Variants in BMP7 observed in about 807,000 individuals in gnomAD.
BMP7 encodes the protein osteogenic protein 1.
BMP7 carries 12 observed loss-of-function variants against 41.2 expected under a neutral mutation model. The ratio of observed to expected loss-of-function variants is 0.29; its 90% CI spans 0.19 to 0.47. The LOEUF (loss-of-function observed/expected upper bound fraction) is 0.47, where lower values mean the gene tolerates loss of function less well. Ranked by LOEUF, BMP7 falls within the 20% of genes least tolerant of loss-of-function variation. BMP7 has a pLI of 0.99. For missense variants in BMP7, 467 were observed against 606.0 expected, an observed-to-expected ratio of 0.77 and a Z score of 2.41; for synonymous variants, 248 against 250.0, an observed-to-expected ratio of 0.99 and a Z score of 0.07.
At chr20:57,232,852 TACACACACACACACACACACAC>T (rs60368986) in intron 1 of BMP7, among the ~76,000 whole-genome samples, 2 of 138,138 alleles carry the variant, frequency 1.4e-5, no homozygotes, top group African/African-American at 5.3e-5. Flanking sequence ...AGTCATGAAG[TACACACACACACACACACACAC>T]ACACACACAC....
At chr20:57,192,095 T>C (rs1984375470) in intron 3 of BMP7, among the ~76,000 whole-genome samples, 1 of 125,378 alleles carries the variant, frequency 8.0e-6, no homozygotes, top group Non-Finnish European at 1.6e-5. Context: ...TATTTATATT[T>C]ATAAATTTAT....
chr20:57,233,447 G>A (rs1012504086), intron 1 of BMP7, among the ~76,000 whole-genome samples: 7 of 152,298 alleles, frequency 4.6e-5, no homozygotes, highest in Middle Eastern at 3.4e-3. Flanking sequence ...ACAAAAACCC[G>A]AAATAGCCCC....
At chr20:57,206,876 C>G (rs1454500680) in intron 2 of BMP7, among the ~76,000 whole-genome samples, 1 of 152,226 alleles carries the variant, frequency 6.6e-6, no homozygotes, top group African/African-American at 2.4e-5. Flanking sequence ...GGTTATGTGA[C>G]TTGCCCATGA....
chr20:57,256,457 G>C (rs557745821), intron 1 of BMP7, among the ~76,000 whole-genome samples: 1 of 152,192 alleles, frequency 6.6e-6, no homozygotes, highest in East Asian at 1.9e-4. Context: ...CAGTGGTATC[G>C]TCATCTCCTT....
intron 1 of BMP7, among the ~76,000 whole-genome samples, chr20:57,239,803 A>C (rs1009602697): frequency 3.9e-5 from 6 of 152,234 alleles, no homozygotes; most frequent in African/African-American, 1.4e-4. Flanking sequence ...CTACCCTCTG[A>C]AATCACAGCC....
At position 57,178,721 on chromosome 20, in the gene BMP7, TGGA is replaced by T. The variant is rs1434140419; in HGVS notation, c.959-3717_959-3715del. 4.0e-5 allele frequency among the ~76,000 whole-genome samples: 6 copies of T among 151,624 alleles called. No homozygotes were observed. The South Asian group carries it at 1.3e-3, about 32-fold the overall frequency. On this transcript the variant is annotated intron_variant, in intron 4 of 6. Transcript: ENST00000395863. ...CCCTGTGGGGGGGTAGAAGGCAGGG[TGGA>T]GGAGAAGGAACATCCCCTCAGCTCA...
chr20:57,206,123 C>T (rs1042862246), intron 2 of BMP7, among the ~76,000 whole-genome samples: 2 of 152,202 alleles, frequency 1.3e-5, no homozygotes, highest in African/African-American at 4.8e-5. Flanking sequence ...AACACTGGTT[C>T]TTACAACCAG....
Position 57,265,889 on chromosome 20 carries a change from C to G in BMP7, c.234G>C (p.Ser78=), listed in dbSNP as rs371542500. ...PRPHLQGKHN[S]APMFMLDLYN... is the part of the protein sequence containing the mutation. ...ACAGGTCCAGCATGAACATGGGTGC[C>G]GAGTTGTGCTTGCCCTGGAGGTGCG... The change falls in exon 1 of 7, where the codon TCG becomes TCC. Residue 78 remains serine (S), a synonymous_variant. Transcript: ENST00000395863. The G allele has an allele frequency of 4.4e-6, 7 of 1,599,716 alleles. No homozygotes were observed. Among genetic ancestry groups the G allele is most frequent in the Non-Finnish European group, 3.4e-6 (4 of 1,173,368 alleles).
intron 1 of BMP7, 39 bp downstream of exon 1, chr20:57,265,666 C>T: frequency 6.4e-7 from 1 of 1,571,444 alleles, no homozygotes; most frequent in Non-Finnish European, 8.6e-7. Context: ...TCAAAGTGCC[C>T]CCGAAAGGAG....
chr20:57,172,814 G>C (rs762241976), intron 6 of BMP7, among the ~76,000 whole-genome samples: 4 of 152,170 alleles, frequency 2.6e-5, no homozygotes, highest in Non-Finnish European at 4.4e-5. Context: ...GCCAGCTTCT[G>C]ATCACTGTGC....
chr20:57,232,560 GC>G (rs1382179940), intron 1 of BMP7, among the ~76,000 whole-genome samples: 2 of 152,160 alleles, frequency 1.3e-5, no homozygotes, highest in Non-Finnish European at 2.9e-5. Flanking sequence ...TACAACAGCT[GC>G]AGGTACAACT....
At chr20:57,182,108 AC>A (rs1444593036) in intron 4 of BMP7, among the ~76,000 whole-genome samples, 1 of 152,088 alleles carries the variant, frequency 6.6e-6, no homozygotes, top group Admixed American at 6.5e-5. Context: ...GGGAGGTGTC[AC>A]CCCTCCAGTC....
chr20:57,216,489 C>T (rs73914169), intron 2 of BMP7, among the ~76,000 whole-genome samples: 6 of 133,802 alleles, frequency 4.5e-5, no homozygotes, highest in South Asian at 2.2e-4. Flanking sequence ...AGGACGAGGG[C>T]GCTGTCTCCT....
intron 4 of BMP7, chr20:57,177,739 G>C (rs533844491): frequency 1.3e-5 from 2 of 152,360 alleles, no homozygotes; most frequent in African/African-American, 4.8e-5. Context: ...TCACATGTGT[G>C]ATTCCTGAGG....
intron 1 of BMP7, among the ~76,000 whole-genome samples, chr20:57,260,509 T>G (rs143678114): frequency 6.6e-6 from 1 of 152,310 alleles, no homozygotes; most frequent in Non-Finnish European, 1.5e-5. Context: ...CACCACAAAT[T>G]AACAGTTTCT....
At chr20:57,191,050 A>G (rs1417101985) in intron 3 of BMP7, among the ~76,000 whole-genome samples, 2 of 152,236 alleles carry the variant, frequency 1.3e-5, no homozygotes, top group African/African-American at 4.8e-5. Flanking sequence ...TCCCTGGTCA[A>G]GAGCCATGGC....
At chr20:57,183,976 G>C (rs953402832) in intron 3 of BMP7, 57 bp from the exon 4 acceptor site, 1 of 1,582,244 alleles carries the variant, frequency 6.3e-7, no homozygotes, top group African/African-American at 1.3e-5. Flanking sequence ...CCACGAGCGG[G>C]ACAGGGCTGC....
intron 3 of BMP7, among the ~76,000 whole-genome samples, chr20:57,193,178 G>T (rs1033274147): frequency 2.0e-5 from 3 of 152,220 alleles, no homozygotes; most frequent in Admixed American, 1.3e-4. Flanking sequence ...ACTAGCGCGT[G>T]TACAGACGCC....
chr20:57,196,293 C>G (rs1371347744), intron 3 of BMP7, among the ~76,000 whole-genome samples: 1 of 152,184 alleles, frequency 6.6e-6, no homozygotes, highest in Non-Finnish European at 1.5e-5. Flanking sequence ...TGTAGAGCAG[C>G]AGGAAGCCCT....
Sources: gnomAD v4.1 joint callset for allele counts (sites outside exome capture counted in the v4.1 genomes callset) on GRCh38, gnomAD v4.1.1 for gene constraint, MANE v1.5 for transcripts, NCBI Gene and HGNC (gene_info 2026-07-23, HGNC 2026-07-21) for gene names.